CNTNAP4: variants seen among roughly 807,000 people sequenced by gnomAD.
The protein encoded by CNTNAP4 is contactin-associated protein-like 4.
In CNTNAP4, 98 loss-of-function variants were observed where a neutral mutation model predicts 148.4. The ratio of observed to expected loss-of-function variants is 0.66; its 90% CI spans 0.56 to 0.78. CNTNAP4 has a LOEUF of 0.78. Ranked by LOEUF, CNTNAP4 falls within the 30% of genes least tolerant of loss-of-function variation. The pLI is 0.00. For missense variants in CNTNAP4, 1,935 were observed against 1,565.6 expected, an observed-to-expected ratio of 1.24 and a Z score of -3.98; for synonymous variants, 730 against 565.1, an observed-to-expected ratio of 1.29 and a Z score of -4.14.
chr16:76,435,339 A>G (rs1341658689), intron 4 of CNTNAP4, among the ~76,000 whole-genome samples: 5 of 152,258 alleles, frequency 3.3e-5, no homozygotes, highest in South Asian at 2.1e-4. Flanking sequence ...TAATTAGCCA[A>G]TGCCAGAGCT....
At chr16:76,453,455 T>C (rs923223144) in intron 8 of CNTNAP4, among the ~76,000 whole-genome samples, 1 of 152,180 alleles carries the variant, frequency 6.6e-6, no homozygotes, top group Admixed American at 6.5e-5. Context: ...AGGGATGTTT[T>C]TGTCTCTTCA....
At chr16:76,437,705 G>A (rs7202668) in intron 4 of CNTNAP4, among the ~76,000 whole-genome samples, 150,384 of 152,192 alleles carry the variant, frequency 0.99, 74,325 homozygotes, top group East Asian at 1. Flanking sequence ...ATTTTCCTAT[G>A]TAACTTGAAC....
At chr16:76,385,125 T>C (rs546060350) in intron 3 of CNTNAP4, among the ~76,000 whole-genome samples, 2 of 152,300 alleles carry the variant, frequency 1.3e-5, no homozygotes, top group African/African-American at 2.4e-5. Context: ...TTAAAGATCC[T>C]TTTTTTAAAC....
At chr16:76,434,734 G>A (rs906576173) in intron 4 of CNTNAP4, among the ~76,000 whole-genome samples, 1 of 152,156 alleles carries the variant, frequency 6.6e-6, no homozygotes, top group East Asian at 1.9e-4. Context: ...CACCATAATA[G>A]CCCTCAACCT....
chr16:76,469,237 A>G (rs1330965573), intron 10 of CNTNAP4, among the ~76,000 whole-genome samples: 2 of 152,236 alleles, frequency 1.3e-5, no homozygotes, highest in Admixed American at 6.5e-5. Context: ...TCTTTATATA[A>G]TGAAAGATGA....
intron 3 of CNTNAP4, among the ~76,000 whole-genome samples, chr16:76,382,719 A>G (rs2016109444): frequency 6.6e-6 from 1 of 152,194 alleles, no homozygotes; most frequent in Admixed American, 6.5e-5. Context: ...TCAAGGAAAA[A>G]TGATATCTCC....
At chr16:76,553,696 A>C (rs754771138) in intron 22 of CNTNAP4, 140 bp from the exon 23 acceptor site, 4 of 652,056 alleles carry the variant, frequency 6.1e-6, no homozygotes, top group African/African-American at 1.8e-5. Context: ...ATTGCCATTG[A>C]CATTGCTTAA....
chr16:76,281,127 T>A (rs1469586048), intron 1 of CNTNAP4, among the ~76,000 whole-genome samples: 1 of 152,148 alleles, frequency 6.6e-6, no homozygotes, highest in African/African-American at 2.4e-5. Context: ...GCAAATTGCC[T>A]AAGTAGATGA....
intron 23 of CNTNAP4, among the ~76,000 whole-genome samples, chr16:76,555,767 C>A (rs145285586): frequency 2.0e-5 from 3 of 152,312 alleles, no homozygotes; most frequent in African/African-American, 7.2e-5. Flanking sequence ...GTGAAATTCT[C>A]ACTTAGCTCA....
At chr16:76,480,409 C>T (rs8052409) in intron 12 of CNTNAP4, among the ~76,000 whole-genome samples, 12 of 151,870 alleles carry the variant, frequency 7.9e-5, no homozygotes, top group African/African-American at 2.2e-4. Flanking sequence ...GTTTCTACAC[C>T]GATAATTAGA....
At chr16:76,383,997 TTTTGTTTTGTTTTTTGTTTTTGTTTG>T (rs1294741968) in intron 3 of CNTNAP4, among the ~76,000 whole-genome samples, 1 of 152,116 alleles carries the variant, frequency 6.6e-6, no homozygotes, top group Admixed American at 6.6e-5. Flanking sequence ...GTTCTCAGTT[TTTTGTTTTGTTTTTTGTTTTTGTTTG>T]TTTGTTTTGT....
In CNTNAP4 at chr16:76,521,214, A is replaced by G. The variant is rs2083440895; in HGVS notation, c.2440A>G (p.Ser814Gly). The G allele has an allele frequency of 4.3e-6, 7 of 1,611,618 alleles. No homozygotes were observed. The highest frequency in any genetic ancestry group is 5.9e-6 in the Non-Finnish European group (7 of 1,178,772). The change falls in exon 16 of 24, where the codon AGC (serine) becomes GGC (glycine). Residue 814 changes from serine to glycine, a missense_variant. Transcript: ENST00000611870. Reference sequence around the variant, plus strand: ...TTTTCCTACCTTCCACGGAGAACTTAGCGCGGATGTATCTTTCTTTTTTAA... The same window carrying G: ...TTTTCCTACCTTCCACGGAGAACTTGGCGCGGATGTATCTTTCTTTTTTAA... ...LHFPTFHGEL[S>G]ADVSFFFKTT...
At chr16:76,498,331 G>A (rs924744049) in intron 14 of CNTNAP4, among the ~76,000 whole-genome samples, 10 of 152,166 alleles carry the variant, frequency 6.6e-5, no homozygotes, top group African/African-American at 1.7e-4. Flanking sequence ...AGAGGAGGTT[G>A]CATTGAGCCA....
At chr16:76,556,854 G>A (rs796519656) in intron 23 of CNTNAP4, among the ~76,000 whole-genome samples, 5 of 152,248 alleles carry the variant, frequency 3.3e-5, no homozygotes, top group African/African-American at 1.2e-4. Context: ...TCTCAGGTAA[G>A]GCTGACCTAG....
chr16:76,322,644 A>T (rs1456663247), intron 2 of CNTNAP4, among the ~76,000 whole-genome samples: 1 of 152,122 alleles, frequency 6.6e-6, no homozygotes, highest in East Asian at 1.9e-4. Context: ...TGGCACTGTG[A>T]TGGGGCCACA....
At chr16:76,498,066 T>A (rs1417582739) in intron 14 of CNTNAP4, among the ~76,000 whole-genome samples, 2 of 152,198 alleles carry the variant, frequency 1.3e-5, no homozygotes, top group Non-Finnish European at 2.9e-5. Context: ...ATATTCTCTA[T>A]TACATATTTT....
chr16:76,525,407 T>C (rs903879566), intron 17 of CNTNAP4, among the ~76,000 whole-genome samples: 3 of 150,286 alleles, frequency 2.0e-5, no homozygotes, highest in Non-Finnish European at 4.4e-5. Flanking sequence ...ATTAAAAAAA[T>C]CTGTCTATCC....
At chr16:76,537,277 T>C (rs1173401605) in intron 18 of CNTNAP4, among the ~76,000 whole-genome samples, 2 of 152,178 alleles carry the variant, frequency 1.3e-5, no homozygotes, top group African/African-American at 4.8e-5. Flanking sequence ...AATTAAAAAC[T>C]CTAAGATGTC....
At chr16:76,277,788 C>T in intron 1 of CNTNAP4, 41 bp downstream of exon 1, 2 of 1,212,646 alleles carry the variant, frequency 1.6e-6, no homozygotes, top group East Asian at 2.5e-5. Flanking sequence ...CTGGGGGGCT[C>T]TCTGCAAAAC....
Sources: gnomAD v4.1 joint callset for allele counts (sites outside exome capture counted in the v4.1 genomes callset) on GRCh38, gnomAD v4.1.1 for gene constraint, MANE v1.5 for transcripts, NCBI Gene and HGNC (gene_info 2026-07-23, HGNC 2026-07-21) for gene names.